The following DNAH9 variants were observed in gnomAD, a reference collection of about 807,000 sequenced individuals.
DNAH9 encodes the protein dynein axonemal heavy chain 9.
Under a neutral mutation model 471.6 loss-of-function variants are expected in DNAH9, and 345 were observed. The observed-to-expected ratio is 0.73, with a 90% CI of 0.67 to 0.80. DNAH9 has a LOEUF of 0.80. Among genes scored for constraint, DNAH9 ranks in the 30% least tolerant of loss-of-function variants. DNAH9 has a pLI of 0.00. For synonymous variants in DNAH9, 2,093 were observed against 2,123.6 expected, an observed-to-expected ratio of 0.99 and a Z score of 0.40; for missense variants, 5,407 against 5,609.2, an observed-to-expected ratio of 0.96 and a Z score of 1.15.
At chr17:11,648,041 G>A (rs922525111) in intron 12 of DNAH9, among the ~76,000 whole-genome samples, 10 of 152,324 alleles carry the variant, frequency 6.6e-5, no homozygotes, top group African/African-American at 1.9e-4. Flanking sequence ...AGTGGGGACC[G>A]TAGCAGCCAC....
chr17:11,625,173 T>C (rs889902880), intron 6 of DNAH9, among the ~76,000 whole-genome samples: 2 of 152,110 alleles, frequency 1.3e-5, no homozygotes, highest in African/African-American at 4.8e-5. Context: ...GCCTCTTCCC[T>C]CCAAACAATG....
intron 38 of DNAH9, among the ~76,000 whole-genome samples, chr17:11,778,072 A>C (rs560514515): frequency 2.0e-5 from 3 of 152,078 alleles, no homozygotes; most frequent in East Asian, 3.9e-4. Context: ...ACCTTACTGG[A>C]AAAATAGCAC....
intron 36 of DNAH9, among the ~76,000 whole-genome samples, chr17:11,764,378 A>C (rs1967843489): frequency 6.6e-6 from 1 of 152,238 alleles, no homozygotes; most frequent in South Asian, 2.1e-4. Flanking sequence ...ATTGTATGAC[A>C]GTTAAGAACA....
chr17:11,955,096 G>A (rs1460543265), intron 67 of DNAH9, among the ~76,000 whole-genome samples: 1 of 152,140 alleles, frequency 6.6e-6, no homozygotes, highest in Non-Finnish European at 1.5e-5. Context: ...AAGTTAGGGT[G>A]TGATGAGTTA....
intron 66 of DNAH9, among the ~76,000 whole-genome samples, chr17:11,941,974 CT>C (rs1423397979): frequency 6.6e-6 from 1 of 152,188 alleles, no homozygotes; most frequent in African/African-American, 2.4e-5. Context: ...TGTCTTATGG[CT>C]TTCTAGTTTG....
chr17:11,668,675 A>AC (rs201190025), intron 15 of DNAH9, among the ~76,000 whole-genome samples: 3,493 of 146,802 alleles, frequency 0.024, 146 homozygotes, highest in African/African-American at 0.084. Flanking sequence ...AAAAAAAAAA[A>AC]AAAAAAAAAA....
chr17:11,937,419 G>T lies in DNAH9; in HGVS notation c.12557G>T (p.Gly4186Val). The stretch of plus-strand genomic sequence containing the variant: ...GGCCTCCACCCGAACGCAGAGATTG[G>T]CTTCCTGACCCAAACCTCAGAAAAG... ...LYGLHPNAEI[G>V]FLTQTSEKLF... is the part of the protein sequence containing the mutation. The change falls in exon 66 of 69, where the codon GGC (glycine) becomes GTC (valine). Residue 4186 changes from glycine (G) to valine (V), a missense_variant. Transcript: ENST00000262442. This position sits in a 1 kb window ranked among gnomAD's most constrained non-coding sequence, Gnocchi z 4.1. The T allele has an allele frequency of 6.2e-7, 1 of 1,614,076 alleles. No homozygotes were observed. The highest frequency in any genetic ancestry group is 8.5e-7 in the Non-Finnish European group (1 of 1,179,970).
At chr17:11,958,318 G>A (rs952637077) in intron 67 of DNAH9, among the ~76,000 whole-genome samples, 22 of 152,104 alleles carry the variant, frequency 1.4e-4, no homozygotes, top group African/African-American at 4.3e-4. Flanking sequence ...CAATAATGAT[G>A]AATATGATAC....
intron 24 of DNAH9, among the ~76,000 whole-genome samples, chr17:11,703,346 T>G (rs2074637217): frequency 6.6e-6 from 1 of 152,182 alleles, no homozygotes; most frequent in South Asian, 2.1e-4. Flanking sequence ...TGGTGCTGTT[T>G]ACTACGATGA....
intron 24 of DNAH9, among the ~76,000 whole-genome samples, chr17:11,703,749 CA>C (rs1227218666): frequency 1.3e-5 from 2 of 152,116 alleles, no homozygotes; most frequent in African/African-American, 4.8e-5. Context: ...GGTAGAAGAG[CA>C]AATGTGTGCC....
intron 29 of DNAH9, 121 bp downstream of exon 29, chr17:11,739,158 A>T: frequency 9.9e-7 from 1 of 1,008,630 alleles, no homozygotes; most frequent in Non-Finnish European, 1.4e-6. Flanking sequence ...GTAGATTTGT[A>T]ACAACCTTCT....
chr17:11,716,576 C>T (rs1401333827), intron 26 of DNAH9, among the ~76,000 whole-genome samples: 1 of 152,128 alleles, frequency 6.6e-6, no homozygotes, highest in Non-Finnish European at 1.5e-5. Context: ...TGACATTTCC[C>T]CCAAAAGATA....
chr17:11,957,411 T>G (rs1227167880), intron 67 of DNAH9, among the ~76,000 whole-genome samples: 1 of 151,926 alleles, frequency 6.6e-6, no homozygotes, highest in Admixed American at 6.6e-5. Context: ...TCCTGCTAAG[T>G]ATAAATAAAA....
chr17:11,780,413 C>T (rs749694159), intron 38 of DNAH9, among the ~76,000 whole-genome samples: 1 of 152,210 alleles, frequency 6.6e-6, no homozygotes, highest in African/African-American at 2.4e-5. Flanking sequence ...GAGGAAAGGG[C>T]ATCTACCCAG....
chr17:11,651,475 C>T, intron 13 of DNAH9, 151 bp downstream of exon 13: 1 of 790,244 alleles, frequency 1.3e-6, no homozygotes, highest in South Asian at 1.9e-5. Context: ...GCAGAGAAGG[C>T]AAGAAGGGTT....
At chr17:11,925,384 AATT>A in intron 62 of DNAH9, 1 of 311,394 alleles carries the variant, frequency 3.2e-6, no homozygotes, top group Non-Finnish European at 6.4e-6. Flanking sequence ...CTTTGTCCTT[AATT>A]ATTCAGTTAT....
intron 14 of DNAH9, among the ~76,000 whole-genome samples, chr17:11,655,240 T>C (rs1381289204): frequency 2.0e-5 from 3 of 152,000 alleles, no homozygotes; most frequent in Admixed American, 1.3e-4. Context: ...ACATACAACG[T>C]TTGGTTTTCC....
At chr17:11,961,252 T>G (rs1315564403) in intron 67 of DNAH9, among the ~76,000 whole-genome samples, 2 of 152,146 alleles carry the variant, frequency 1.3e-5, no homozygotes, top group South Asian at 4.2e-4. Flanking sequence ...GAGGCGGAGG[T>G]TGCAGTGAGC....
chr17:11,943,063 T>G (rs977914067), intron 67 of DNAH9, among the ~76,000 whole-genome samples: 3 of 151,630 alleles, frequency 2.0e-5, no homozygotes, highest in Non-Finnish European at 4.4e-5. Flanking sequence ...GCCGGCTAAT[T>G]TTTTGTATTT....
Sources: allele counts gnomAD v4.1 joint callset (sites outside exome capture counted in the v4.1 genomes callset), GRCh38; gene constraint gnomAD v4.1.1; non-coding constraint Gnocchi (gnomAD v3.1); transcripts MANE v1.5; gene names NCBI Gene and HGNC (gene_info 2026-07-23, HGNC 2026-07-21).